The following MMP26 variants were observed in gnomAD, a reference collection of about 807,000 sequenced individuals.
MMP26 encodes the protein matrix metalloproteinase-26.
A neutral mutation model predicts 31.0 loss-of-function variants in MMP26; 33 were observed. That is an observed-to-expected ratio of 1.06 (90% CI 0.81 to 1.42). MMP26 has a LOEUF of 1.42. Ranked by LOEUF, MMP26 falls within the 40% of genes most tolerant of loss-of-function variation. MMP26 has a pLI of 0.00. For synonymous variants in MMP26, 122 were observed against 114.9 expected (o/e 1.06, Z -0.40); for missense variants, 347 against 316.1 (o/e 1.10, Z -0.74).
chr11:4,842,525 C>A (rs1849810518), intron 2 of MMP26, among the ~76,000 whole-genome samples: 1 of 152,072 alleles, frequency 6.6e-6, no homozygotes, highest in Non-Finnish European at 1.5e-5. Flanking sequence ...GAGGGAAGTG[C>A]CACACACTTT....
chr11:4,880,945 C>G (rs1850452563), intron 2 of MMP26, among the ~76,000 whole-genome samples: 1 of 152,130 alleles, frequency 6.6e-6, no homozygotes, highest in Non-Finnish European at 1.5e-5. Flanking sequence ...CTTTGGGTCA[C>G]TCTGTTATTG....
chr11:4,968,964 CT>C (rs1466710376), intron 2 of MMP26, among the ~76,000 whole-genome samples: 1 of 151,950 alleles, frequency 6.6e-6, no homozygotes, highest in Non-Finnish European at 1.5e-5. Flanking sequence ...ATACTTCATA[CT>C]TTTTCTTCTT....
chr11:4,889,157 A>G (rs998242786), intron 2 of MMP26, among the ~76,000 whole-genome samples: 1 of 152,168 alleles, frequency 6.6e-6, no homozygotes, highest in Non-Finnish European at 1.5e-5. Flanking sequence ...TATATGCTGG[A>G]CTGACTATAG....
At chr11:4,807,921 C>T (rs749728397) in intron 2 of MMP26, among the ~76,000 whole-genome samples, 6 of 152,082 alleles carry the variant, frequency 3.9e-5, no homozygotes, top group Non-Finnish European at 8.8e-5. Context: ...CCTCCCACCT[C>T]AGCCTTCTGG....
chr11:4,861,922 A>T (rs1850166642), intron 2 of MMP26, among the ~76,000 whole-genome samples: 1 of 152,146 alleles, frequency 6.6e-6, no homozygotes, highest in Non-Finnish European at 1.5e-5. Context: ...TTCAACGTAA[A>T]GCAAGATTCA....
intron 2 of MMP26, among the ~76,000 whole-genome samples, chr11:4,911,355 C>G (rs1850988794): frequency 6.6e-6 from 1 of 152,132 alleles, no homozygotes; most frequent in African/African-American, 2.4e-5. Flanking sequence ...TCCCAAGTTG[C>G]AAAATGTGCC....
chr11:4,965,692 T>C (rs977913738), intron 2 of MMP26, among the ~76,000 whole-genome samples: 1 of 152,220 alleles, frequency 6.6e-6, no homozygotes. Flanking sequence ...ATGGGGAATT[T>C]GTTCTTTCGT....
intron 1 of MMP26, among the ~76,000 whole-genome samples, chr11:4,737,719 TA>T (rs111559600): frequency 0.17 from 26,486 of 152,116 alleles, 2,788 homozygotes; most frequent in African/African-American, 0.3. Flanking sequence ...ACTTTGACCC[TA>T]AGTCAGTTTC....
At chr11:4,884,654 C>A (rs1017046941) in intron 2 of MMP26, among the ~76,000 whole-genome samples, 2 of 152,118 alleles carry the variant, frequency 1.3e-5, no homozygotes, top group Non-Finnish European at 2.9e-5. Flanking sequence ...TTTCAGATGT[C>A]TCTGGCTTTA....
chr11:4,748,276 G>A (rs1442532476), intron 1 of MMP26, among the ~76,000 whole-genome samples: 10 of 151,962 alleles, frequency 6.6e-5, no homozygotes, highest in Admixed American at 6.6e-5. Flanking sequence ...GACTAATATC[G>A]ATTAGTAAGA....
At chr11:4,934,517 T>G (rs2133594024) in intron 2 of MMP26, among the ~76,000 whole-genome samples, 1 of 141,450 alleles carries the variant, frequency 7.1e-6, no homozygotes, top group Non-Finnish European at 1.5e-5. Context: ...TTCTCCCATG[T>G]TGTAGGTTGC....
At chr11:4,722,418 G>T (rs1018777371) in intron 1 of MMP26, among the ~76,000 whole-genome samples, 21 of 146,626 alleles carry the variant, frequency 1.4e-4, no homozygotes, top group African/African-American at 5.3e-4. Flanking sequence ...AGTTTGAAAT[G>T]CATTTAATAG....
intron 2 of MMP26, chr11:4,860,161 A>T (rs1394260497): frequency 2.1e-6 from 1 of 470,972 alleles, no homozygotes; most frequent in East Asian, 6.9e-5. Flanking sequence ...GAGGATGGAA[A>T]CATAGTGTAA....
intron 2 of MMP26, among the ~76,000 whole-genome samples, chr11:4,774,401 G>T (rs1029272516): frequency 5.3e-5 from 8 of 152,152 alleles, no homozygotes; most frequent in African/African-American, 1.9e-4. Flanking sequence ...TTTTTCATAT[G>T]TTTGTTGGCT....
intron 1 of MMP26, among the ~76,000 whole-genome samples, chr11:4,765,057 T>C (rs1178881120): frequency 6.6e-6 from 1 of 152,206 alleles, no homozygotes; most frequent in East Asian, 1.9e-4. Flanking sequence ...GCTTGGCTTC[T>C]CCTTGTAACT....
intron 1 of MMP26, among the ~76,000 whole-genome samples, chr11:4,760,944 T>C (rs143617255): frequency 6.6e-6 from 1 of 152,322 alleles, no homozygotes; most frequent in East Asian, 1.9e-4. Context: ...ATAAGAAGTA[T>C]AATTTTTGCT....
chr11:4,826,149 G>A (rs1419116499), intron 2 of MMP26, among the ~76,000 whole-genome samples: 1 of 152,066 alleles, frequency 6.6e-6, no homozygotes, highest in African/African-American at 2.4e-5. Flanking sequence ...TCTGCCCTCT[G>A]ATAGTTGCAG....
intron 2 of MMP26, among the ~76,000 whole-genome samples, chr11:4,892,394 C>T (rs1310422755): frequency 3.3e-5 from 5 of 152,132 alleles, no homozygotes; most frequent in Non-Finnish European, 7.4e-5. Flanking sequence ...TCACTCCAAG[C>T]AGAGTCCATG....
chr11:4,769,301 A>T, intron 2 of MMP26: 1 of 1,613,612 alleles, frequency 6.2e-7, no homozygotes, highest in Middle Eastern at 1.7e-4. Context: ...AGTGGTCAGG[A>T]TGAGATCAAT....
Sources: allele counts gnomAD v4.1 joint callset (sites outside exome capture counted in the v4.1 genomes callset), GRCh38; gene constraint gnomAD v4.1.1; transcripts MANE v1.5; gene names NCBI Gene and HGNC (gene_info 2026-07-23, HGNC 2026-07-21).